Variants in AK4 observed in about 807,000 individuals in gnomAD.
AK4 encodes adenylate kinase 4, also known as adenylate kinase 4, mitochondrial.
In AK4, 13 loss-of-function variants were observed where a neutral mutation model predicts 24.6. The ratio of observed to expected loss-of-function variants is 0.53; its 90% CI spans 0.34 to 0.84. The LOEUF is 0.84. Among genes scored for constraint, AK4 ranks in the 40% least tolerant of loss-of-function variants. AK4 has a pLI of 0.01. For synonymous variants in AK4, 88 were observed against 107.0 expected (o/e 0.82, Z 1.10); for missense variants, 192 against 288.2 (o/e 0.67, Z 2.42).
intron 2 of AK4, among the ~76,000 whole-genome samples, chr1:65,205,851 A>G (rs1414734689): frequency 2.6e-5 from 4 of 152,118 alleles, no homozygotes; most frequent in Admixed American, 2.0e-4. Flanking sequence ...AGGCACACTC[A>G]TATCTTTTAT....
chr1:65,180,790 A>G (rs533537681), intron 1 of AK4, among the ~76,000 whole-genome samples: 3 of 152,284 alleles, frequency 2.0e-5, no homozygotes, highest in Non-Finnish European at 4.4e-5. Context: ...AGGCCCCTTG[A>G]GATGCGTGTA....
intron 1 of AK4, among the ~76,000 whole-genome samples, chr1:65,151,750 G>C (rs1439978933): frequency 1.3e-5 from 2 of 152,274 alleles, no homozygotes; most frequent in African/African-American, 4.8e-5. Flanking sequence ...AATTAGCTCT[G>C]ATTTATGGTA....
At chr1:65,153,441 G>T (rs1436762026) in intron 1 of AK4, among the ~76,000 whole-genome samples, 1 of 151,956 alleles carries the variant, frequency 6.6e-6, no homozygotes, top group African/African-American at 2.4e-5. Flanking sequence ...GGATAATTTC[G>T]TATTTTTTTG....
intron 1 of AK4, among the ~76,000 whole-genome samples, chr1:65,152,316 A>ATCTCTCTCTCTCTC (rs1158775260): frequency 3.1e-4 from 10 of 32,502 alleles, no homozygotes; most frequent in East Asian, 1.0e-3. Context: ...TGCACTTGCT[A>ATCTCTCTCTCTCTC]TCTCTCTCTC....
At chr1:65,201,648 A>G (rs1397758287) in intron 2 of AK4, among the ~76,000 whole-genome samples, 1 of 152,156 alleles carries the variant, frequency 6.6e-6, no homozygotes, top group Non-Finnish European at 1.5e-5. Flanking sequence ...ATGGTTGCAG[A>G]ATAGGTAGGG....
rs142612355 is a variant in AK4, at chr1:65,214,755, T to C, written c.266-3999T>C. On this transcript the variant is annotated intron_variant, in intron 2 of 4. Transcript: ENST00000327299. ...ATGCTTGCCTCCCCTGCCACCACTT[T>C]CCTTAGAGGTAAGATACTGCACAAG... 8.1e-3 allele frequency among the ~76,000 whole-genome samples: 1,240 copies of C among 152,286 alleles called. 5 individuals carry two copies. The highest frequency in any genetic ancestry group is 0.013 in the Admixed American group (198 of 15,298).
At chr1:65,183,752 C>G (rs549175281) in intron 1 of AK4, among the ~76,000 whole-genome samples, 2 of 151,628 alleles carry the variant, frequency 1.3e-5, no homozygotes, top group South Asian at 4.2e-4. Flanking sequence ...CTTATTGGCT[C>G]TTCTACTTAC....
intron 2 of AK4, among the ~76,000 whole-genome samples, chr1:65,205,183 C>G (rs1051051291): frequency 6.6e-6 from 1 of 152,076 alleles, no homozygotes; most frequent in Non-Finnish European, 1.5e-5. Flanking sequence ...TTGTGTCTTT[C>G]AAAACATTGC....
At position 65,226,773 on chromosome 1, in the gene AK4, C is replaced by T. The variant is rs1652474654; in HGVS notation, c.*596C>T. 1 of 151,052 alleles carries T rather than the reference C, an allele frequency of 6.6e-6. No individual in the cohort carries two copies. The highest frequency in any genetic ancestry group is 2.4e-5 in the African/African-American group (1 of 41,058). The allele number at this position is 151,052 out of a possible 1,614,324, so 9.4% of individuals were successfully genotyped here. On this transcript the variant is annotated 3_prime_UTR_variant, in exon 5 of 5. Coordinates refer to ENST00000327299, the MANE Select transcript of AK4 (RefSeq NM_013410.4). ...ACATCCACGCTCCATAGAGTCTCTC[C>T]TTTTCAGACATCCTGGGATGAAAGA... is the stretch of plus-strand genomic sequence containing the variant.
At chr1:65,193,043 C>T (rs973520527) in intron 2 of AK4, among the ~76,000 whole-genome samples, 2 of 152,190 alleles carry the variant, frequency 1.3e-5, no homozygotes, top group Admixed American at 6.5e-5. Context: ...TCCCATGGCT[C>T]CATTAGGCAT....
chr1:65,224,918 G>C, intron 4 of AK4, 48 bp downstream of exon 4: 2 of 1,474,534 alleles, frequency 1.4e-6, no homozygotes, highest in South Asian at 2.3e-5. Context: ...CTGGAAAGGT[G>C]TGGAGCCTGC....
chr1:65,156,904 C>T (rs974225828), intron 1 of AK4, among the ~76,000 whole-genome samples: 6 of 136,616 alleles, frequency 4.4e-5, no homozygotes, highest in Admixed American at 1.6e-4. Context: ...CCAGCCTGGA[C>T]GACAGGGCGA....
At chr1:65,205,328 C>G (rs1202980434) in intron 2 of AK4, among the ~76,000 whole-genome samples, 1 of 152,168 alleles carries the variant, frequency 6.6e-6, no homozygotes, top group Non-Finnish European at 1.5e-5. Context: ...GCTGCACTCT[C>G]AAACTCCTGG....
chr1:65,153,379 C>T (rs1340701477), intron 1 of AK4, among the ~76,000 whole-genome samples: 1 of 152,164 alleles, frequency 6.6e-6, no homozygotes, highest in Non-Finnish European at 1.5e-5. Context: ...AAGTGATTGT[C>T]TTACCTCAGC....
At chr1:65,206,818 G>A (rs2101065514) in intron 2 of AK4, among the ~76,000 whole-genome samples, 1 of 152,308 alleles carries the variant, frequency 6.6e-6, no homozygotes, top group African/African-American at 2.4e-5. Context: ...TTCTTAAACA[G>A]AAGAGGCTTT....
In AK4 at chr1:65,175,612, G is replaced by A. The variant is rs757383152; in HGVS notation, c.146-15098G>A. Among the ~76,000 whole-genome samples the A allele has an allele frequency of 8.3e-4, 127 of 152,172 alleles. 1 individual carries two copies. The highest frequency in any genetic ancestry group is 1.5e-3 in the Non-Finnish European group (99 of 68,032). ...TCTGAATGCGTCTAGTACTTGGGCT[G>A]TGCTCAGGTTACAGGGAGGCTGTTC... On this transcript the variant is annotated intron_variant, in intron 1 of 4. Transcript: ENST00000327299.
At chr1:65,196,478 T>G (rs1186642559) in intron 2 of AK4, among the ~76,000 whole-genome samples, 1 of 152,170 alleles carries the variant, frequency 6.6e-6, no homozygotes, top group African/African-American at 2.4e-5. Context: ...TTGTTTTGTT[T>G]TGTTAGAGAT....
At position 65,200,888 on chromosome 1, in the gene AK4, G is replaced by C. The variant is rs573837687; in HGVS notation, c.265+10059G>C. ...TGGCTCACTGCAACCTCCACCTCTT[G>C]GGTTCAAGCGATTCTCCTGCCTCAG... On this transcript the variant is annotated intron_variant, in intron 2 of 4. Transcript: ENST00000327299. 3.3e-5 allele frequency among the ~76,000 whole-genome samples: 5 copies of C among 151,748 alleles called. No homozygotes were observed. In the South Asian group the frequency reaches 8.3e-4, roughly 25 times the overall value.
intron 2 of AK4, among the ~76,000 whole-genome samples, chr1:65,194,055 C>T (rs1031098539): frequency 2.6e-5 from 4 of 152,190 alleles, no homozygotes; most frequent in Admixed American, 2.6e-4. Flanking sequence ...CACACCATTG[C>T]ACTCCAGCCT....
Sources: allele counts gnomAD v4.1 joint callset (sites outside exome capture counted in the v4.1 genomes callset), GRCh38; gene constraint gnomAD v4.1.1; transcripts MANE v1.5; gene names NCBI Gene and HGNC (gene_info 2026-07-23, HGNC 2026-07-21).